The following SH3KBP1 variants were observed in gnomAD, a reference collection of about 807,000 sequenced individuals.
The protein encoded by SH3KBP1 is SH3 domain-containing kinase-binding protein 1.
SH3KBP1 carries 8 observed loss-of-function variants against 50.1 expected under a neutral mutation model. That is an observed-to-expected ratio of 0.16 (90% CI 0.09 to 0.29). The LOEUF (loss-of-function observed/expected upper bound fraction) is 0.29, where lower values mean the gene tolerates loss of function less well. Ranked by LOEUF, SH3KBP1 falls within the 10% of genes least tolerant of loss-of-function variation. The pLI, the probability that SH3KBP1 is intolerant of heterozygous loss-of-function variation, is 1.00. For synonymous variants in SH3KBP1, 227 were observed against 218.6 expected, an observed-to-expected ratio of 1.04 and a Z score of -0.34; for missense variants, 377 against 535.2, an observed-to-expected ratio of 0.70 and a Z score of 2.92.
intron 8 of SH3KBP1, among the ~76,000 whole-genome samples, chrX:19,618,793 T>G (rs975719889): frequency 4.6e-5 from 5 of 107,937 alleles, no homozygotes; most frequent in Non-Finnish European, 7.6e-5. Flanking sequence ...CTGGACAACA[T>G]GGCAAAACCC....
chrX:19,656,778 T>C (rs904589747), intron 6 of SH3KBP1, among the ~76,000 whole-genome samples: 1 of 112,106 alleles, frequency 8.9e-6, no homozygotes, highest in Non-Finnish European at 1.9e-5. Flanking sequence ...TTTTGAACAG[T>C]TAGCTTCCTG....
At chrX:19,872,639 G>A (rs1182506426) in intron 1 of SH3KBP1, among the ~76,000 whole-genome samples, 1 of 109,898 alleles carries the variant, frequency 9.1e-6, no homozygotes, top group Non-Finnish European at 1.9e-5. Context: ...AGCTGGACAT[G>A]GTGGCGGGCG....
At chrX:19,554,055 ATTATATATATTAAAATACATT>A (rs2065359105) in intron 13 of SH3KBP1, among the ~76,000 whole-genome samples, 1 of 64,470 alleles carries the variant, frequency 1.6e-5, no homozygotes. Context: ...ATTAAAATAT[ATTATATATATTAAAATACATT>A]ATATATATTA....
chrX:19,884,137 C>G (rs772537003), intron 1 of SH3KBP1, among the ~76,000 whole-genome samples: 2 of 112,374 alleles, frequency 1.8e-5, no homozygotes, highest in Non-Finnish European at 3.8e-5. Flanking sequence ...CTGTCCTGGG[C>G]ACTCTCCAGG....
intron 12 of SH3KBP1, among the ~76,000 whole-genome samples, chrX:19,572,927 G>A (rs781667392): frequency 7.3e-4 from 81 of 111,614 alleles, no homozygotes; most frequent in African/African-American, 2.3e-3. Flanking sequence ...TAGGAAGAGC[G>A]ATTTTAAGAC....
intron 2 of SH3KBP1, among the ~76,000 whole-genome samples, chrX:19,806,637 T>C (rs1036251297): frequency 9.0e-6 from 1 of 111,690 alleles, no homozygotes; most frequent in Non-Finnish European, 1.9e-5. Flanking sequence ...ACGGTATTAA[T>C]ACTATACAAT....
At chrX:19,601,917 T>C (rs2067103559) in intron 9 of SH3KBP1, among the ~76,000 whole-genome samples, 1 of 111,221 alleles carries the variant, frequency 9.0e-6, no homozygotes, top group East Asian at 2.8e-4. Flanking sequence ...TGGAAGAGTC[T>C]TTCTCTAGTT....
chrX:19,767,682 C>T (rs2065662679), intron 2 of SH3KBP1, among the ~76,000 whole-genome samples: 2 of 111,107 alleles, frequency 1.8e-5, no homozygotes, highest in South Asian at 7.7e-4. Context: ...AAGTTAACCC[C>T]TGCTAATCTC....
chrX:19,825,554 G>A (rs1197519928), intron 2 of SH3KBP1, among the ~76,000 whole-genome samples: 2 of 111,399 alleles, frequency 1.8e-5, no homozygotes, highest in Non-Finnish European at 3.8e-5. Flanking sequence ...GTCATAGAGT[G>A]GTAGAAGAAT....
chrX:19,582,633 C>T (rs759136327), intron 12 of SH3KBP1, among the ~76,000 whole-genome samples: 1 of 111,632 alleles, frequency 9.0e-6, no homozygotes, highest in African/African-American at 3.3e-5. Flanking sequence ...CTTTGCCCTG[C>T]TCCCACTCCA....
chrX:19,723,212 A>G (rs2064126159), intron 3 of SH3KBP1, among the ~76,000 whole-genome samples: 1 of 111,248 alleles, frequency 9.0e-6, no homozygotes, highest in Non-Finnish European at 1.9e-5. Context: ...ACTTTCAGGA[A>G]GTTATACTCC....
At chrX:19,539,635 G>T (rs923492802) in intron 16 of SH3KBP1, among the ~76,000 whole-genome samples, 2 of 111,994 alleles carry the variant, frequency 1.8e-5, no homozygotes, top group African/African-American at 6.5e-5. Flanking sequence ...CTATGAGGAG[G>T]AAGAAACACA....
intron 6 of SH3KBP1, among the ~76,000 whole-genome samples, chrX:19,668,970 A>ATT (rs1188813627): frequency 2.0e-5 from 1 of 49,586 alleles, no homozygotes; most frequent in Admixed American, 2.0e-4. Context: ...ATATATATAT[A>ATT]TATATTTTTT....
intron 13 of SH3KBP1, among the ~76,000 whole-genome samples, chrX:19,561,916 T>C (rs1404848076): frequency 2.8e-5 from 3 of 108,185 alleles, no homozygotes; most frequent in Admixed American, 2.0e-4. Context: ...AGTGTCACTA[T>C]AGGTTATGCA....
chrX:19,555,757 G>A (rs1264346408), intron 13 of SH3KBP1, among the ~76,000 whole-genome samples: 1 of 111,811 alleles, frequency 8.9e-6, no homozygotes, highest in Admixed American at 9.5e-5. Context: ...CTCACATGCT[G>A]CCACCAGAGA....
chrX:19,573,080 C>T (rs1029033824), intron 12 of SH3KBP1, among the ~76,000 whole-genome samples: 1 of 111,692 alleles, frequency 9.0e-6, no homozygotes, highest in Non-Finnish European at 1.9e-5. Context: ...AATGAGAATG[C>T]ATTATGTATT....
At chrX:19,695,351 T>C (rs1393814403) in intron 5 of SH3KBP1, among the ~76,000 whole-genome samples, 1 of 111,573 alleles carries the variant, frequency 9.0e-6, no homozygotes, top group Admixed American at 9.5e-5. Flanking sequence ...CACAGCAACA[T>C]GGGCCACCCA....
intron 2 of SH3KBP1, among the ~76,000 whole-genome samples, chrX:19,765,210 T>A (rs2065566213): frequency 9.1e-6 from 1 of 110,170 alleles, no homozygotes; most frequent in Non-Finnish European, 1.9e-5. Flanking sequence ...AACTGAATAG[T>A]CCTTAGTAAT....
intron 2 of SH3KBP1, among the ~76,000 whole-genome samples, chrX:19,816,119 C>T (rs1349638176): frequency 8.9e-6 from 1 of 112,270 alleles, no homozygotes; most frequent in East Asian, 2.8e-4. Context: ...TTCCCACCAT[C>T]AATATATGAG....
Sources: gnomAD v4.1 joint callset for allele counts (sites outside exome capture counted in the v4.1 genomes callset) on GRCh38, gnomAD v4.1.1 for gene constraint, MANE v1.5 for transcripts, NCBI Gene and HGNC (gene_info 2026-07-23, HGNC 2026-07-21) for gene names.